ERC1: variants seen among roughly 807,000 people sequenced by gnomAD.
ERC1 encodes the protein ELKS/RAB6-interacting/CAST family member 1.
Under a neutral mutation model 132.0 loss-of-function variants are expected in ERC1, and 56 were observed. That is an observed-to-expected ratio of 0.42 (90% CI 0.34 to 0.53). The LOEUF (loss-of-function observed/expected upper bound fraction) is 0.53, where lower values mean the gene tolerates loss of function less well. ERC1 is among the 20% of genes least tolerant of loss of function. The pLI, the probability that ERC1 is intolerant of heterozygous loss-of-function variation, is 0.03. For missense variants in ERC1, 1,202 were observed against 1,349.9 expected, an observed-to-expected ratio of 0.89 and a Z score of 1.72; for synonymous variants, 478 against 476.1, an observed-to-expected ratio of 1.00 and a Z score of -0.05.
At chr12:1,241,060 A>G (rs980307298) in intron 13 of ERC1, among the ~76,000 whole-genome samples, 2 of 152,112 alleles carry the variant, frequency 1.3e-5, no homozygotes, top group African/African-American at 4.8e-5. Flanking sequence ...TCCTTTGGCT[A>G]TTCCTCAGAG....
intron 7 of ERC1, among the ~76,000 whole-genome samples, chr12:1,135,299 G>A (rs540813775): frequency 9.2e-5 from 14 of 152,296 alleles, no homozygotes; most frequent in Admixed American, 7.8e-4. Flanking sequence ...TGTCACTTCT[G>A]TTATAAGCTT....
intron 16 of ERC1, among the ~76,000 whole-genome samples, chr12:1,377,222 G>A (rs988464548): frequency 7.9e-5 from 12 of 152,086 alleles, no homozygotes; most frequent in African/African-American, 2.4e-4. Context: ...ATTAACTTCC[G>A]TCCACTCTCT....
At chr12:1,445,289 G>A (rs1436048941) in intron 18 of ERC1, among the ~76,000 whole-genome samples, 1 of 144,202 alleles carries the variant, frequency 6.9e-6, no homozygotes, top group African/African-American at 2.7e-5. Context: ...GAGTGCAATG[G>A]TATGATCTCA....
chr12:1,195,381 C>A (rs1956124472), intron 12 of ERC1, among the ~76,000 whole-genome samples: 1 of 152,178 alleles, frequency 6.6e-6, no homozygotes, highest in South Asian at 2.1e-4. Context: ...TTTCTACTTT[C>A]CCATTCTAAC....
chr12:1,034,599 T>C (rs1042261883), intron 2 of ERC1, among the ~76,000 whole-genome samples: 1 of 152,170 alleles, frequency 6.6e-6, no homozygotes. Flanking sequence ...ACTGGATTTA[T>C]CACCATTATA....
chr12:1,053,641 A>G (rs1044789786), intron 2 of ERC1, among the ~76,000 whole-genome samples: 5 of 152,036 alleles, frequency 3.3e-5, no homozygotes, highest in Non-Finnish European at 7.4e-5. Context: ...TTTATTTTCT[A>G]TTTAGTCTTT....
chr12:1,473,598 C>T (rs1310225972), intron 18 of ERC1, among the ~76,000 whole-genome samples: 2 of 146,316 alleles, frequency 1.4e-5, no homozygotes, highest in Admixed American at 1.4e-4. Context: ...CCACCGCACT[C>T]CAGCCTGGGG....
At chr12:993,597 T>C (rs1041138372) in intron 1 of ERC1, among the ~76,000 whole-genome samples, 1 of 152,206 alleles carries the variant, frequency 6.6e-6, no homozygotes, top group Non-Finnish European at 1.5e-5. Context: ...ACATTAATAC[T>C]GCAAACTTAA....
At chr12:1,201,148 ACTTTCC>A (rs1175239907) in intron 12 of ERC1, among the ~76,000 whole-genome samples, 1 of 151,826 alleles carries the variant, frequency 6.6e-6, no homozygotes, top group Non-Finnish European at 1.5e-5. Flanking sequence ...AGTGTAGATA[ACTTTCC>A]CTTTCTCCTT....
intron 15 of ERC1, among the ~76,000 whole-genome samples, chr12:1,305,966 T>C (rs1191815053): frequency 1.3e-5 from 2 of 152,232 alleles, no homozygotes; most frequent in African/African-American, 4.8e-5. Flanking sequence ...ATGTACTTCC[T>C]GCTCTTCATC....
At chr12:1,489,072 C>T (rs1431743246) in intron 18 of ERC1, among the ~76,000 whole-genome samples, 1 of 152,226 alleles carries the variant, frequency 6.6e-6, no homozygotes, top group Non-Finnish European at 1.5e-5. Flanking sequence ...AACGTCCTCA[C>T]TTCACGTGCT....
chr12:1,395,097 A>G (rs1387994585), intron 16 of ERC1, among the ~76,000 whole-genome samples: 1 of 152,212 alleles, frequency 6.6e-6, no homozygotes, highest in Non-Finnish European at 1.5e-5. Flanking sequence ...TAAAACTAGA[A>G]TTGGATTGCA....
At chr12:1,294,822 A>G (rs1281423440) in intron 15 of ERC1, among the ~76,000 whole-genome samples, 1 of 151,916 alleles carries the variant, frequency 6.6e-6, no homozygotes, top group Non-Finnish European at 1.5e-5. Context: ...TTTGTTTTTT[A>G]ATTTTCCTTT....
At chr12:1,316,358 A>G (rs2081722467) in intron 15 of ERC1, among the ~76,000 whole-genome samples, 2 of 152,206 alleles carry the variant, frequency 1.3e-5, no homozygotes, top group South Asian at 4.1e-4. Flanking sequence ...AGCATGCTGA[A>G]AAAGCTACTA....
chr12:1,461,280 G>A (rs2093640515), intron 18 of ERC1, among the ~76,000 whole-genome samples: 1 of 152,150 alleles, frequency 6.6e-6, no homozygotes, highest in African/African-American at 2.4e-5. Context: ...TAACCTGTAT[G>A]TTGAATGATT....
At chr12:1,250,202 A>C (rs955909167) in intron 13 of ERC1, among the ~76,000 whole-genome samples, 3 of 152,108 alleles carry the variant, frequency 2.0e-5, no homozygotes, top group African/African-American at 7.2e-5. Context: ...TTGTTTTCCT[A>C]ATGTATGCTC....
At chr12:1,285,058 C>G (rs753581563) in intron 14 of ERC1, among the ~76,000 whole-genome samples, 1 of 152,044 alleles carries the variant, frequency 6.6e-6, no homozygotes, top group Admixed American at 6.6e-5. Context: ...ATATTTTAAT[C>G]GAATTTTTTT....
At chr12:1,385,526 A>C (rs1305792013) in intron 16 of ERC1, among the ~76,000 whole-genome samples, 6 of 151,946 alleles carry the variant, frequency 3.9e-5, no homozygotes, top group South Asian at 4.2e-4. Context: ...CCTCGTGATA[A>C]CGCCCGCCTC....
chr12:1,349,384 C>T (rs796288549), intron 15 of ERC1, among the ~76,000 whole-genome samples: 2 of 152,286 alleles, frequency 1.3e-5, no homozygotes, highest in African/African-American at 4.8e-5. Flanking sequence ...TTCTTTTTGG[C>T]CGGGCACAGT....
Sources: allele counts gnomAD v4.1 joint callset (sites outside exome capture counted in the v4.1 genomes callset), GRCh38; gene constraint gnomAD v4.1.1; transcripts MANE v1.5; gene names NCBI Gene and HGNC (gene_info 2026-07-23, HGNC 2026-07-21).